CSMD1: variants seen among roughly 807,000 people sequenced by gnomAD.
The protein encoded by CSMD1 is CUB and sushi domain-containing protein 1.
Under a neutral mutation model 417.5 loss-of-function variants are expected in CSMD1, and 213 were observed. That is an observed-to-expected ratio of 0.51 (90% CI 0.46 to 0.57). The LOEUF is 0.57. Among genes scored for constraint, CSMD1 ranks in the 20% least tolerant of loss-of-function variants. The pLI is 0.00. For missense variants in CSMD1, 6,923 were observed against 4,529.7 expected (o/e 1.53, Z -15.17); for synonymous variants, 2,862 against 1,736.8 (o/e 1.65, Z -16.11).
intron 1 of CSMD1, among the ~76,000 whole-genome samples, chr8:4,952,794 A>G (rs4289841): frequency 0.43 from 65,610 of 151,944 alleles, 14,803 homozygotes; most frequent in East Asian, 0.65. Flanking sequence ...CATCCTAATG[A>G]AACAATACTT....
At chr8:4,289,511 C>A (rs915462663) in intron 3 of CSMD1, among the ~76,000 whole-genome samples, 2 of 152,122 alleles carry the variant, frequency 1.3e-5, no homozygotes, top group Non-Finnish European at 2.9e-5. Flanking sequence ...TGTCCACTGT[C>A]AGTATGAGCA....
intron 2 of CSMD1, among the ~76,000 whole-genome samples, chr8:4,534,608 C>A (rs557748587): frequency 6.6e-6 from 1 of 151,974 alleles, no homozygotes; most frequent in Non-Finnish European, 1.5e-5. Flanking sequence ...ATTCTAGTAG[C>A]CTGAAATGTC....
intron 2 of CSMD1, among the ~76,000 whole-genome samples, chr8:4,565,776 ATATATATATATATATATATATG>A (rs1385494756): frequency 2.7e-4 from 11 of 40,372 alleles, no homozygotes; most frequent in African/African-American, 4.2e-4. Context: ...ATATATATAT[ATATATATATATATATATATATG>A]TATACATATA....
At chr8:4,543,189 T>G (rs764879286) in intron 2 of CSMD1, among the ~76,000 whole-genome samples, 1 of 152,230 alleles carries the variant, frequency 6.6e-6, no homozygotes, top group African/African-American at 2.4e-5. Flanking sequence ...TTCTTTGTGT[T>G]ATACAGCTGT....
At chr8:4,420,190 T>G (rs1797168981) in intron 2 of CSMD1, 125 bp from the exon 3 acceptor site, 1 of 587,734 alleles carries the variant, frequency 1.7e-6, no homozygotes, top group African/African-American at 1.9e-5. Context: ...CATTAAACAC[T>G]TAGATAATCC....
At chr8:4,023,546 C>A (rs375921737) in intron 4 of CSMD1, among the ~76,000 whole-genome samples, 1 of 151,430 alleles carries the variant, frequency 6.6e-6, no homozygotes, top group Admixed American at 6.6e-5. Context: ...GCAATATTCA[C>A]GCACTTACCA....
chr8:3,919,552 T>A (rs1809082075), intron 5 of CSMD1, among the ~76,000 whole-genome samples: 1 of 152,134 alleles, frequency 6.6e-6, no homozygotes, highest in Non-Finnish European at 1.5e-5. Context: ...TAATATAATT[T>A]GATATCAGGA....
intron 5 of CSMD1, among the ~76,000 whole-genome samples, chr8:3,947,173 G>C (rs1011513000): frequency 6.6e-6 from 1 of 152,170 alleles, no homozygotes; most frequent in African/African-American, 2.4e-5. Context: ...TTCCATGGAT[G>C]CCCTTTACTG....
intron 5 of CSMD1, among the ~76,000 whole-genome samples, chr8:3,829,597 G>T (rs959040311): frequency 3.9e-5 from 6 of 152,032 alleles, no homozygotes; most frequent in Admixed American, 2.6e-4. Context: ...AATAATGATG[G>T]GCCCCTCAGG....
intron 25 of CSMD1, among the ~76,000 whole-genome samples, chr8:3,287,125 G>C (rs1419584402): frequency 3.3e-5 from 5 of 151,596 alleles, no homozygotes; most frequent in African/African-American, 1.2e-4. Flanking sequence ...TCAAAGATCA[G>C]ATAGTTGTAG....
At chr8:4,901,194 AC>A (rs752994171) in intron 1 of CSMD1, among the ~76,000 whole-genome samples, 3 of 152,296 alleles carry the variant, frequency 2.0e-5, no homozygotes, top group Middle Eastern at 3.4e-3. Flanking sequence ...GTATAGATCA[AC>A]CTCTTTTATT....
At chr8:3,471,575 C>T (rs1489086782) in intron 11 of CSMD1, among the ~76,000 whole-genome samples, 5 of 123,944 alleles carry the variant, frequency 4.0e-5, no homozygotes, top group East Asian at 2.6e-4. Flanking sequence ...CTTCCTTCTT[C>T]CTCTCTCCTT....
chr8:3,397,414 G>A (rs13273724), intron 16 of CSMD1, among the ~76,000 whole-genome samples: 19,167 of 152,164 alleles, frequency 0.13, 1,458 homozygotes, highest in African/African-American at 0.2. Flanking sequence ...ATTAGATCAT[G>A]GATACACTGA....
intron 5 of CSMD1, among the ~76,000 whole-genome samples, chr8:3,983,799 G>A (rs571742377): frequency 9.2e-5 from 14 of 152,262 alleles, no homozygotes; most frequent in African/African-American, 3.1e-4. Context: ...AGTTCTGATG[G>A]GGCTGTCAAA....
intron 3 of CSMD1, among the ~76,000 whole-genome samples, chr8:4,105,089 G>A (rs1045194525): frequency 8.5e-5 from 13 of 152,174 alleles, no homozygotes; most frequent in African/African-American, 3.1e-4. Context: ...AAGACAGCAA[G>A]GGAGGGTTTT....
At chr8:2,990,534 A>C (rs1257707728) in intron 54 of CSMD1, among the ~76,000 whole-genome samples, 1 of 152,108 alleles carries the variant, frequency 6.6e-6, no homozygotes, top group Non-Finnish European at 1.5e-5. Flanking sequence ...TCCTATATAG[A>C]CTATACGATC....
intron 7 of CSMD1, among the ~76,000 whole-genome samples, chr8:3,641,024 C>CTTTTTTTTTTTTTTTT (rs34851559): frequency 3.9e-5 from 4 of 102,752 alleles, no homozygotes; most frequent in Non-Finnish European, 7.5e-5. Context: ...TCCTTTTTTC[C>CTTTTTTTTTTTTTTTT]TTTTTTTTTT....
intron 1 of CSMD1, among the ~76,000 whole-genome samples, chr8:4,850,822 A>G (rs1391082891): frequency 6.6e-6 from 1 of 152,068 alleles, no homozygotes; most frequent in East Asian, 1.9e-4. Flanking sequence ...AAATTCAACC[A>G]GTGGCATCCT....
At chr8:3,274,986 T>A (rs1045297721) in intron 26 of CSMD1, among the ~76,000 whole-genome samples, 14 of 152,066 alleles carry the variant, frequency 9.2e-5, no homozygotes, top group Middle Eastern at 6.8e-3. Flanking sequence ...GTTAGCTGGT[T>A]ATTTTGCTCG....
Sources: allele counts gnomAD v4.1 joint callset (sites outside exome capture counted in the v4.1 genomes callset), GRCh38; gene constraint gnomAD v4.1.1; transcripts MANE v1.5; gene names NCBI Gene and HGNC (gene_info 2026-07-23, HGNC 2026-07-21).